Variants in MAPK9 observed in about 807,000 individuals in gnomAD.
MAPK9 encodes the protein mitogen-activated protein kinase 9.
In MAPK9, 30 loss-of-function variants were observed where a neutral mutation model predicts 57.1. The ratio of observed to expected loss-of-function variants is 0.53; its 90% CI spans 0.39 to 0.71. MAPK9 has a LOEUF of 0.71. MAPK9 is among the 30% of genes least tolerant of loss of function. The probability of loss-of-function intolerance (pLI) is 0.00; values close to 1 mark genes in which losing one functional copy is unlikely to be tolerated. For synonymous variants in MAPK9, 155 were observed against 177.0 expected, an observed-to-expected ratio of 0.88 and a Z score of 0.99; for missense variants, 362 against 521.0, an observed-to-expected ratio of 0.69 and a Z score of 2.97.
chr5:180,238,550 C>A, intron 10 of MAPK9, 147 bp from the exon 11 acceptor site: 1 of 538,850 alleles, frequency 1.9e-6, no homozygotes, highest in Non-Finnish European at 3.3e-6. Context: ...GTAATATAGT[C>A]TACCTGGACC....
Position 180,281,707 on chromosome 5 carries a change from T to A in MAPK9, c.-47-1099A>T, listed in dbSNP as rs544403218. On this transcript the variant is annotated intron_variant, in intron 1 of 11. Coordinates refer to ENST00000452135, the MANE Select transcript of MAPK9 (RefSeq NM_002752.5). ...CAAATGCTAGGATTTTCCTTAAACA[T>A]GGAAAAAATGGATTAATAACAAGTC... Among the ~76,000 whole-genome samples, 9 of 152,284 alleles carry A rather than the reference T, an allele frequency of 5.9e-5. No individual in the cohort carries two copies. The South Asian group carries it at 1.9e-3, about 32-fold the overall frequency.
At chr5:180,250,202 G>A (rs543553956) in intron 5 of MAPK9, among the ~76,000 whole-genome samples, 1 of 152,318 alleles carries the variant, frequency 6.6e-6, no homozygotes, top group African/African-American at 2.4e-5. Context: ...CACTTGGGAA[G>A]TGTCTGCAGA....
intron 6 of MAPK9, 104 bp downstream of exon 6, chr5:180,248,869 C>G: frequency 8.2e-7 from 1 of 1,221,426 alleles, no homozygotes. Flanking sequence ...GTAACAGTCC[C>G]CACAGTATAT....
In MAPK9 at chr5:180,269,280, A is replaced by T; in HGVS notation, c.252T>A (p.Asn84Lys). ...LVLLKCVNHKNIISLLNVFTP... is the reference protein window; with the variant it reads ...LVLLKCVNHKKIISLLNVFTP... The stretch of plus-strand genomic sequence containing the variant: ...CAGACAAAATACATACATAACTTAC[A>T]TTTTTATGATTGACACATTTTAAGA... The change falls in exon 3 of 12, where the codon AAT becomes AAA. Residue 84 changes from asparagine to lysine, a missense_variant and splice_region_variant. Transcript: ENST00000452135. The T allele has an allele frequency of 6.8e-6, 11 of 1,613,136 alleles. No individual in the cohort carries two copies. Among genetic ancestry groups the T allele is most frequent in the Non-Finnish European group, 9.3e-6 (11 of 1,179,192 alleles).
chr5:180,262,570 T>TAAA (rs36105705), intron 4 of MAPK9, among the ~76,000 whole-genome samples: 1 of 146,914 alleles, frequency 6.8e-6, no homozygotes, highest in Non-Finnish European at 1.5e-5. Flanking sequence ...AAAATTAAAT[T>TAAA]AAAAAAAAAA....
chr5:180,280,073 AG>A (rs1304182036), intron 2 of MAPK9: 12 of 454,746 alleles, frequency 2.6e-5, no homozygotes, highest in Middle Eastern at 3.2e-4. Context: ...ATAAAAGGGG[AG>A]GGGGGAAAAG....
At chr5:180,263,411 T>A (rs968112731) in intron 4 of MAPK9, among the ~76,000 whole-genome samples, 1 of 152,120 alleles carries the variant, frequency 6.6e-6, no homozygotes, top group South Asian at 2.1e-4. Context: ...CCCCACCCCT[T>A]ATAGTGGGTT....
chr5:180,280,293 T>C, intron 2 of MAPK9, 147 bp downstream of exon 2: 2 of 1,045,520 alleles, frequency 1.9e-6, no homozygotes, highest in Non-Finnish European at 2.7e-6. Flanking sequence ...TACACAGAAC[T>C]AGAGCAAGCA....
At chr5:180,283,663 T>A (rs113747850) in intron 1 of MAPK9, among the ~76,000 whole-genome samples, 1 of 152,210 alleles carries the variant, frequency 6.6e-6, no homozygotes, top group Non-Finnish European at 1.5e-5. Flanking sequence ...AGTCCGGGCA[T>A]GGTGGCTCAC....
intron 2 of MAPK9, among the ~76,000 whole-genome samples, chr5:180,274,946 T>C (rs2127614390): frequency 6.6e-6 from 1 of 152,292 alleles, no homozygotes; most frequent in South Asian, 2.1e-4. Context: ...GTTACACATA[T>C]TAAATTCATA....
chr5:180,269,268 T>A lies in MAPK9; in HGVS notation c.252+12A>T. On this transcript the variant is annotated intron_variant, in intron 3 of 11. Coordinates refer to ENST00000452135, the MANE Select transcript of MAPK9 (RefSeq NM_002752.5). ...TATGGAAGCACACAGACAAAATACA[T>A]ACATAACTTACATTTTTATGATTGA... 2 of 1,612,144 alleles carry A rather than the reference T, an allele frequency of 1.2e-6. No individual in the cohort carries two copies. Among genetic ancestry groups the A allele is most frequent in the Non-Finnish European group, 8.5e-7 (1 of 1,178,360 alleles).
intron 1 of MAPK9, among the ~76,000 whole-genome samples, chr5:180,290,194 G>C (rs1440493175): frequency 2.0e-5 from 3 of 152,200 alleles, no homozygotes; most frequent in African/African-American, 7.2e-5. Context: ...GCTGGGTAAG[G>C]TTCCTGTTCT....
At chr5:180,249,230 G>A in intron 5 of MAPK9, 92 bp from the exon 6 acceptor site, 1 of 1,179,692 alleles carries the variant, frequency 8.5e-7, no homozygotes, top group Middle Eastern at 2.0e-4. Context: ...CAGTGTGAGA[G>A]TGTAGGGAGT....
At chr5:180,261,357 GGTA>G (rs1263028108) in intron 5 of MAPK9, among the ~76,000 whole-genome samples, 7 of 152,166 alleles carry the variant, frequency 4.6e-5, no homozygotes, top group Admixed American at 2.0e-4. Flanking sequence ...GTAGATAAAT[GGTA>G]GTTGGAAGTT....
At chr5:180,240,582 A>G (rs1370163417) in intron 9 of MAPK9, among the ~76,000 whole-genome samples, 1 of 152,254 alleles carries the variant, frequency 6.6e-6, no homozygotes. Flanking sequence ...GTGCTGACAC[A>G]GAAACACGCA....
intron 3 of MAPK9, among the ~76,000 whole-genome samples, chr5:180,268,120 G>A (rs542802440): frequency 1.1e-4 from 16 of 152,146 alleles, no homozygotes; most frequent in South Asian, 4.2e-4. Flanking sequence ...CACTGCACCC[G>A]GCCAACATTT....
At chr5:180,289,620 C>G (rs1763057012) in intron 1 of MAPK9, among the ~76,000 whole-genome samples, 2 of 152,100 alleles carry the variant, frequency 1.3e-5, no homozygotes, top group South Asian at 4.1e-4. Context: ...TTCCACAGGG[C>G]TCCAGTTACA....
At chr5:180,276,071 C>T (rs1394558601) in intron 2 of MAPK9, among the ~76,000 whole-genome samples, 1 of 152,200 alleles carries the variant, frequency 6.6e-6, no homozygotes, top group East Asian at 1.9e-4. Flanking sequence ...AAGAACTCTT[C>T]GCTGAGGAAA....
rs1167515342 is a variant in MAPK9, at chr5:180,235,528, G to A, written c.*856C>T. On this transcript the variant is annotated 3_prime_UTR_variant, in exon 12 of 12. Transcript: ENST00000452135. Reference sequence around the variant, plus strand: ...TGCCATCATATTTAATTAAGATGGAGTGTTACGCACCTAATAAAGAAGGTG... The same window carrying A: ...TGCCATCATATTTAATTAAGATGGAATGTTACGCACCTAATAAAGAAGGTG... 1 of 152,218 alleles carries A rather than the reference G, an allele frequency of 6.6e-6. No homozygotes were observed. Among genetic ancestry groups the A allele is most frequent in the African/African-American group, 2.4e-5 (1 of 41,458 alleles). The allele number at this position is 152,218 out of a possible 1,614,324, so 9.4% of individuals were successfully genotyped here.
Sources: allele counts gnomAD v4.1 joint callset (sites outside exome capture counted in the v4.1 genomes callset), GRCh38; gene constraint gnomAD v4.1.1; transcripts MANE v1.5; gene names NCBI Gene and HGNC (gene_info 2026-07-23, HGNC 2026-07-21).